The following ACER1 variants were observed in gnomAD, a reference collection of about 807,000 sequenced individuals.
ACER1 encodes alkaline ceramidase 1.
ACER1 carries 28 observed loss-of-function variants against 24.9 expected under a neutral mutation model. The observed-to-expected ratio is 1.13, with a 90% CI of 0.83 to 1.54. ACER1 has a LOEUF of 1.54. Ranked by LOEUF, ACER1 falls within the 40% of genes most tolerant of loss-of-function variation. ACER1 has a pLI of 0.00. For synonymous variants in ACER1, 132 were observed against 131.4 expected (o/e 1.00, Z -0.03); for missense variants, 352 against 349.3 (o/e 1.01, Z -0.06).
At chr19:6,350,665 T>TGGAA in the ACER1 span, among the ~76,000 whole-genome samples, 6 of 143,456 alleles carry the variant, frequency 4.2e-5, no homozygotes, top group Admixed American at 2.1e-4. Context: ...GAGGGAAGGA[T>TGGAA]GGAAGGAAGG....
intron 1 of ACER1, among the ~76,000 whole-genome samples, chr19:6,322,705 C>T (rs2091637061): frequency 6.6e-6 from 1 of 152,152 alleles, no homozygotes; most frequent in South Asian, 2.1e-4. Flanking sequence ...ACCCAAATGT[C>T]ATCTTAAATT....
chr19:6,327,480 G>A (rs2091666952), intron 1 of ACER1, among the ~76,000 whole-genome samples: 2 of 151,980 alleles, frequency 1.3e-5, no homozygotes, highest in African/African-American at 4.8e-5. Flanking sequence ...CAGGAGAATG[G>A]TGTGAACCCG....
chr19:6,320,420 C>T (rs578024229), intron 1 of ACER1, among the ~76,000 whole-genome samples: 1 of 152,276 alleles, frequency 6.6e-6, no homozygotes, highest in East Asian at 1.9e-4. Context: ...TCAAGCAATT[C>T]TCCTGCCTCA....
At chr19:6,309,003 A>C (rs1350752681) in intron 4 of ACER1, among the ~76,000 whole-genome samples, 2 of 152,022 alleles carry the variant, frequency 1.3e-5, no homozygotes, top group South Asian at 4.2e-4. Context: ...GTTTGAGACC[A>C]GCCTGGCCAA....
At chr19:6,321,355 A>G (rs1221220640) in intron 1 of ACER1, among the ~76,000 whole-genome samples, 2 of 152,080 alleles carry the variant, frequency 1.3e-5, no homozygotes, top group Admixed American at 1.3e-4. Flanking sequence ...TGGCAAGACT[A>G]GTCTTGAACT....
chr19:6,328,815 T>C (rs1027747389), intron 1 of ACER1, among the ~76,000 whole-genome samples: 3 of 151,114 alleles, frequency 2.0e-5, no homozygotes, highest in Admixed American at 6.6e-5. Context: ...TACGGATGCA[T>C]GCCACCATGC....
the ACER1 span, among the ~76,000 whole-genome samples, chr19:6,347,218 C>CTTTTTTT: frequency 7.6e-6 from 1 of 132,208 alleles, no homozygotes; most frequent in African/African-American, 3.2e-5. Flanking sequence ...CTTTTCTTTT[C>CTTTTTTT]TTTTTCTTTT....
At chr19:6,315,809 C>T (rs2091600802) in intron 1 of ACER1, among the ~76,000 whole-genome samples, 1 of 152,220 alleles carries the variant, frequency 6.6e-6, no homozygotes, top group African/African-American at 2.4e-5. Context: ...GCCACCACAC[C>T]TGGCCTGGAA....
At chr19:6,337,032 C>T (rs2091717217), upstream of ACER1, among the ~76,000 whole-genome samples, 1 of 151,638 alleles carries the variant, frequency 6.6e-6, no homozygotes, top group Non-Finnish European at 1.5e-5. Flanking sequence ...AAAAATTAGC[C>T]TGGTGTGGTG....
the ACER1 span, among the ~76,000 whole-genome samples, chr19:6,338,879 A>G: frequency 6.6e-6 from 1 of 151,500 alleles, no homozygotes. Context: ...CTGGCCTTAA[A>G]ATCTTTTTTT....
At chr19:6,323,489 C>T (rs990895539) in intron 1 of ACER1, among the ~76,000 whole-genome samples, 1 of 152,108 alleles carries the variant, frequency 6.6e-6, no homozygotes, top group Non-Finnish European at 1.5e-5. Flanking sequence ...TTGCCTGCTG[C>T]CATCCACGTA....
At chr19:6,355,591 C>T in the ACER1 span, among the ~76,000 whole-genome samples, 1 of 150,962 alleles carries the variant, frequency 6.6e-6, no homozygotes, top group East Asian at 2.0e-4. Context: ...TCAGCCCCGC[C>T]AGGCCAGCCG....
At chr19:6,306,985 C>A (rs1013464148) in intron 5 of ACER1, 103 bp from the exon 6 acceptor site, 2 of 1,495,250 alleles carry the variant, frequency 1.3e-6, no homozygotes, top group Non-Finnish European at 1.8e-6. Flanking sequence ...TCCAGGGGAG[C>A]CTTCTGGGTC....
the ACER1 span, among the ~76,000 whole-genome samples, chr19:6,348,652 TA>T: frequency 3.3e-5 from 5 of 149,838 alleles, no homozygotes; most frequent in African/African-American, 1.2e-4. Context: ...CCACAGGCAT[TA>T]AAAAAAAAGA....
At chr19:6,317,360 G>A (rs1023403456) in intron 1 of ACER1, among the ~76,000 whole-genome samples, 7 of 152,240 alleles carry the variant, frequency 4.6e-5, no homozygotes, top group African/African-American at 1.7e-4. Context: ...GACAATGTCA[G>A]TAAACAGATT....
the ACER1 span, among the ~76,000 whole-genome samples, chr19:6,357,089 G>A: frequency 6.9e-6 from 1 of 144,762 alleles, no homozygotes; most frequent in Non-Finnish European, 1.5e-5. Flanking sequence ...CTGTCGCCCA[G>A]GCTGGAGTGC....
the ACER1 span, among the ~76,000 whole-genome samples, chr19:6,348,030 T>G: frequency 0.06 from 8,771 of 147,260 alleles, 369 homozygotes; most frequent in African/African-American, 0.12. Context: ...GATTGCAGGC[T>G]TGAGCCACAG....
In ACER1 at chr19:6,307,254, G is replaced by A. The variant is rs753015512; in HGVS notation, c.525C>T (p.Val175=). Residue 175 remains valine, a synonymous_variant, in exon 5 of 6, where the codon GTC becomes GTT. Transcript: ENST00000301452. The part of the protein sequence containing the change: ...SNKELRHLIE[V]SVVLWAVALT... ...GAGCAACAGCCCATAAAACCACGGA[G>A]ACCTCAATCAGGTGCCGAAGCTCCT... 2 of 1,614,082 alleles carry A rather than the reference G, an allele frequency of 1.2e-6. No homozygotes were observed. The highest frequency in any genetic ancestry group is 4.5e-5 in the East Asian group (2 of 44,884).
At chr19:6,312,878 T>A (rs1171537014) in intron 1 of ACER1, among the ~76,000 whole-genome samples, 1 of 151,954 alleles carries the variant, frequency 6.6e-6, no homozygotes, top group African/African-American at 2.4e-5. Context: ...GGTTTCACCA[T>A]GTTGGCCAGG....
Sources: gnomAD v4.1 joint callset for allele counts (sites outside exome capture counted in the v4.1 genomes callset) on GRCh38, gnomAD v4.1.1 for gene constraint, MANE v1.5 for transcripts, NCBI Gene and HGNC (gene_info 2026-07-23, HGNC 2026-07-21) for gene names.